Variants in MECOM observed in about 807,000 individuals in gnomAD.
MECOM encodes MDS1 and EVI1 complex locus, also known as histone-lysine N-methyltransferase MECOM.
In MECOM, 13 loss-of-function variants were observed where a neutral mutation model predicts 116.3. The ratio of observed to expected loss-of-function variants is 0.11; its 90% CI spans 0.07 to 0.18. The LOEUF (loss-of-function observed/expected upper bound fraction) is 0.18, where lower values mean the gene tolerates loss of function less well. MECOM is among the 10% of genes least tolerant of loss of function. The probability of loss-of-function intolerance (pLI) is 1.00; values close to 1 mark genes in which losing one functional copy is unlikely to be tolerated. For missense variants in MECOM, 1,299 were observed against 1,509.0 expected (o/e 0.86, Z 2.31); for synonymous variants, 528 against 535.2 (o/e 0.99, Z 0.19).
At chr3:169,156,293 C>A (rs142075552) in intron 2 of MECOM, among the ~76,000 whole-genome samples, 1 of 152,274 alleles carries the variant, frequency 6.6e-6, no homozygotes, top group South Asian at 2.1e-4. Flanking sequence ...CAGGCATCAT[C>A]GTAGGTAATT....
intron 1 of MECOM, among the ~76,000 whole-genome samples, chr3:169,468,387 C>A (rs983647577): frequency 6.6e-6 from 1 of 152,172 alleles, no homozygotes; most frequent in Non-Finnish European, 1.5e-5. Context: ...TTCTTCACAG[C>A]ACTAATCAGG....
intron 7 of MECOM, among the ~76,000 whole-genome samples, chr3:169,117,749 G>A (rs1729627649): frequency 6.6e-6 from 1 of 152,280 alleles, no homozygotes. Context: ...CCTCACACAT[G>A]TGCCACTATA....
chr3:169,639,534 C>A (rs938599421), intron 1 of MECOM, among the ~76,000 whole-genome samples: 1 of 152,130 alleles, frequency 6.6e-6, no homozygotes, highest in Non-Finnish European at 1.5e-5. Flanking sequence ...TCAAACTGTG[C>A]CTGGGCATGT....
At chr3:169,292,076 A>T (rs1383997953) in intron 2 of MECOM, among the ~76,000 whole-genome samples, 2 of 152,198 alleles carry the variant, frequency 1.3e-5, no homozygotes, top group Non-Finnish European at 2.9e-5. Flanking sequence ...ATTGGGGCTC[A>T]TGCTGGTAAT....
At chr3:169,299,730 T>C (rs1716344085) in intron 2 of MECOM, among the ~76,000 whole-genome samples, 2 of 152,236 alleles carry the variant, frequency 1.3e-5, no homozygotes, top group African/African-American at 4.8e-5. Flanking sequence ...CACATTTTCA[T>C]TCAAACTGTG....
intron 2 of MECOM, among the ~76,000 whole-genome samples, chr3:169,179,705 G>A (rs907130062): frequency 2.0e-5 from 3 of 152,298 alleles, no homozygotes; most frequent in South Asian, 2.1e-4. Context: ...TAATAAAGAT[G>A]TAGACTGGCA....
At chr3:169,562,375 G>A (rs954105669) in intron 1 of MECOM, among the ~76,000 whole-genome samples, 10 of 151,902 alleles carry the variant, frequency 6.6e-5, no homozygotes, top group African/African-American at 1.9e-4. Context: ...CAGTCTCTCC[G>A]GTCCTGCTTC....
intron 1 of MECOM, among the ~76,000 whole-genome samples, chr3:169,504,400 A>T (rs1754951076): frequency 6.6e-6 from 1 of 152,126 alleles, no homozygotes. Flanking sequence ...TCAGTCATAT[A>T]TGAGGTACTC....
chr3:169,382,114 A>G (rs1225989224), intron 1 of MECOM, among the ~76,000 whole-genome samples: 1 of 152,136 alleles, frequency 6.6e-6, no homozygotes, highest in African/African-American at 2.4e-5. Flanking sequence ...TGCCTCAGTA[A>G]CTTATGCAGA....
intron 1 of MECOM, among the ~76,000 whole-genome samples, chr3:169,472,724 G>GGGGAAGGA (rs1459456200): frequency 1.1e-5 from 1 of 88,900 alleles, no homozygotes; most frequent in Non-Finnish European, 2.2e-5. Context: ...AGGGAGGGAG[G>GGGGAAGGA]GGGAAGGAAG....
At chr3:169,255,370 C>T (rs1029106944) in intron 2 of MECOM, among the ~76,000 whole-genome samples, 2 of 152,070 alleles carry the variant, frequency 1.3e-5, no homozygotes, top group African/African-American at 2.4e-5. Flanking sequence ...CTGGAGACTT[C>T]ATTTTTTTCT....
chr3:169,486,099 G>A (rs1291174909), intron 1 of MECOM, among the ~76,000 whole-genome samples: 1 of 144,470 alleles, frequency 6.9e-6, no homozygotes, highest in East Asian at 2.0e-4. Context: ...TTTAGGTGTG[G>A]AAATATGAAG....
At position 169,414,442 on chromosome 3, in the gene MECOM, A is replaced by G. The variant is rs956868152; in HGVS notation, c.38-32918T>C. On this transcript the variant is annotated intron_variant, in intron 1 of 16. Coordinates refer to ENST00000651503, the MANE Select transcript of MECOM (RefSeq NM_004991.4). Reference sequence around the variant, plus strand: ...AAGATGGGGAAAAACCAGCACAAAAAGGCTGATAATTCCAAAAACCAGAAT... The same window carrying G: ...AAGATGGGGAAAAACCAGCACAAAAGGGCTGATAATTCCAAAAACCAGAAT... Among the ~76,000 whole-genome samples the G allele has an allele frequency of 3.3e-5, 5 of 152,242 alleles. No homozygotes were observed. In the East Asian group the frequency reaches 9.6e-4, roughly 29 times the overall value.
intron 2 of MECOM, among the ~76,000 whole-genome samples, chr3:169,187,509 CT>C (rs1343353647): frequency 1.3e-5 from 2 of 152,056 alleles, no homozygotes; most frequent in African/African-American, 4.8e-5. Context: ...ATGCTACCAG[CT>C]GCTCTGTGGC....
chr3:169,378,437 GAAAGAAAGAAAGAAGGAAAGCA>G (rs1731519996), intron 2 of MECOM, among the ~76,000 whole-genome samples: 1 of 80,802 alleles, frequency 1.2e-5, no homozygotes, highest in African/African-American at 8.3e-5. Context: ...AAGAAAGAAA[GAAAGAAAGAAAGAAGGAAAGCA>G]AGCAAGCAAG....
chr3:169,427,908 G>A lies in MECOM; in HGVS notation c.38-46384C>T, dbSNP rs558050410. On this transcript the variant is annotated intron_variant, in intron 1 of 16. Transcript: ENST00000651503. The stretch of plus-strand genomic sequence containing the variant: ...ATACCTCAGAATGTGGTCATAAGGA[G>A]GTAGTCTTTAAAGTGATAATTAAGT... Among the ~76,000 whole-genome samples, 4 of 152,316 alleles carry A rather than the reference G, an allele frequency of 2.6e-5. 1 individual carries two copies. The South Asian group carries it at 8.3e-4, about 32-fold the overall frequency.
chr3:169,579,413 T>C (rs1217500170), intron 1 of MECOM, among the ~76,000 whole-genome samples: 1 of 152,096 alleles, frequency 6.6e-6, no homozygotes, highest in Non-Finnish European at 1.5e-5. Flanking sequence ...CCTCATCTCA[T>C]CTCTTTCCCA....
intron 2 of MECOM, among the ~76,000 whole-genome samples, chr3:169,260,461 A>AT (rs200384707): frequency 0.048 from 6,816 of 141,378 alleles, 215 homozygotes; most frequent in African/African-American, 0.091. Context: ...GCATGCAATG[A>AT]TTTTTTTTTT....
intron 1 of MECOM, among the ~76,000 whole-genome samples, chr3:169,421,922 A>T (rs1739829270): frequency 6.6e-6 from 1 of 152,116 alleles, no homozygotes; most frequent in Admixed American, 6.6e-5. Context: ...GGGCTTCTGA[A>T]GAATAATTAG....
Sources: allele counts gnomAD v4.1 joint callset (sites outside exome capture counted in the v4.1 genomes callset), GRCh38; gene constraint gnomAD v4.1.1; transcripts MANE v1.5; gene names NCBI Gene and HGNC (gene_info 2026-07-23, HGNC 2026-07-21).